Variants in TMBIM6 observed in about 807,000 individuals in gnomAD.
TMBIM6 encodes transmembrane BAX inhibitor motif containing 6.
A neutral mutation model predicts 31.4 loss-of-function variants in TMBIM6; 13 were observed. That is an observed-to-expected ratio of 0.41 (90% CI 0.27 to 0.66). The LOEUF (loss-of-function observed/expected upper bound fraction) is 0.66. Among genes scored for constraint, TMBIM6 ranks in the 30% least tolerant of loss-of-function variants. TMBIM6 has a pLI of 0.28. For missense variants in TMBIM6, 275 were observed against 289.5 expected (o/e 0.95, Z 0.36); for synonymous variants, 85 against 101.7 (o/e 0.84, Z 0.99).
intron 1 of TMBIM6, among the ~76,000 whole-genome samples, chr12:49,744,163 A>G (rs1296622347): frequency 6.6e-6 from 1 of 152,180 alleles, no homozygotes; most frequent in Non-Finnish European, 1.5e-5. Context: ...TGAAGGTGAT[A>G]CATATATAAA....
At chr12:49,757,555 T>C (rs1197816879) in intron 4 of TMBIM6, among the ~76,000 whole-genome samples, 1 of 152,210 alleles carries the variant, frequency 6.6e-6, no homozygotes, top group Admixed American at 6.5e-5. Flanking sequence ...AATAAAAATG[T>C]TTGCAAAACA....
intron 1 of TMBIM6, 68 bp downstream of exon 1, chr12:49,741,679 T>C (rs1945296855): frequency 3.6e-5 from 7 of 195,898 alleles, no homozygotes; most frequent in Non-Finnish European, 7.6e-5. Context: ...AGTTACTGTC[T>C]GAGCAAGAGT....
intron 2 of TMBIM6, 96 bp from the exon 3 acceptor site, chr12:49,752,877 C>A: frequency 1.7e-6 from 2 of 1,154,862 alleles, no homozygotes; most frequent in Non-Finnish European, 2.5e-6. Flanking sequence ...AGAACTTTTA[C>A]ATATTCCCAG....
intron 7 of TMBIM6, 69 bp from the exon 8 acceptor site, chr12:49,759,151 GA>G: frequency 7.4e-7 from 1 of 1,344,354 alleles, no homozygotes; most frequent in Non-Finnish European, 1.1e-6. Flanking sequence ...CTATGAGCCA[GA>G]AAGTATGGCT....
At chr12:49,748,560 G>T (rs1455200620) in intron 1 of TMBIM6, among the ~76,000 whole-genome samples, 1 of 152,220 alleles carries the variant, frequency 6.6e-6, no homozygotes, top group Admixed American at 6.5e-5. Context: ...TTAGCAGTAT[G>T]TGCATGACAT....
At chr12:49,750,214 C>G (rs1945470387) in intron 1 of TMBIM6, among the ~76,000 whole-genome samples, 1 of 152,146 alleles carries the variant, frequency 6.6e-6, no homozygotes, top group Admixed American at 6.5e-5. Flanking sequence ...TTCTGCCATT[C>G]TCCCCTCGAA....
intron 3 of TMBIM6, among the ~76,000 whole-genome samples, chr12:49,754,220 C>G (rs2136947149): frequency 6.6e-6 from 1 of 152,232 alleles, no homozygotes; most frequent in Non-Finnish European, 1.5e-5. Context: ...CTCCTGGGCT[C>G]AATTGATCCT....
rs1423618883 is a variant in TMBIM6, at chr12:49,764,795, CTTTCT to C, written c.*1905_*1909del. 1.3e-5 allele frequency: 2 copies of C among 151,610 alleles called. No individual in the cohort carries two copies. Among genetic ancestry groups the C allele is most frequent in the Non-Finnish European group, 2.9e-5 (2 of 67,966 alleles). The allele number at this position is 151,610 out of a possible 1,614,324, so 9.4% of individuals were successfully genotyped here. A position where few individuals can be genotyped will look rare whatever the true frequency, so the allele number is the denominator to read the frequency against. ...ATTTTTAATATAGTTATCTCTACCA[CTTTCT>C]TTTCTAGTTTCTTGATTTTCAGCTC... is the stretch of plus-strand genomic sequence containing the variant. On this transcript the variant is annotated 3_prime_UTR_variant, in exon 10 of 10. Transcript: ENST00000267115.
chr12:49,758,964 C>A, intron 7 of TMBIM6: 1 of 639,564 alleles, frequency 1.6e-6, no homozygotes, highest in Non-Finnish European at 2.7e-6. Context: ...AAATGGTTTG[C>A]TCAGACACCA....
chr12:49,751,732 A>C (rs556994333), intron 1 of TMBIM6, among the ~76,000 whole-genome samples: 34 of 136,558 alleles, frequency 2.5e-4, no homozygotes, highest in African/African-American at 9.4e-4. Context: ...TTTGTTTTTT[A>C]TCTTTGAGGT....
Position 49,764,572 on chromosome 12 carries a change from T to G in TMBIM6, c.*1676T>G, listed in dbSNP as rs952403662. 6.6e-6 allele frequency: 1 copy of G among 152,548 alleles called. No individual in the cohort carries two copies. Among genetic ancestry groups the G allele is most frequent in the Non-Finnish European group, 1.5e-5 (1 of 68,028 alleles). 9.4% of individuals were successfully genotyped at this position (152,548 alleles called of 1,614,324 possible). On this transcript the variant is annotated 3_prime_UTR_variant, in exon 10 of 10. Coordinates refer to ENST00000267115, the MANE Select transcript of TMBIM6 (RefSeq NM_003217.3). ...TCCTTCCTGTTAAACCCCTGTTAACTCTCCATAAATTTGGTGATTCTCTGC... is the reference window on the plus strand; with the variant it reads ...TCCTTCCTGTTAAACCCCTGTTAACGCTCCATAAATTTGGTGATTCTCTGC...
intron 1 of TMBIM6, among the ~76,000 whole-genome samples, chr12:49,745,711 C>G (rs928423594): frequency 1.9e-5 from 2 of 107,420 alleles, no homozygotes; most frequent in South Asian, 2.4e-4. Flanking sequence ...GGCAACAGAG[C>G]GAGACTCTGT....
chr12:49,748,182 G>A (rs370869263), intron 1 of TMBIM6, among the ~76,000 whole-genome samples: 200 of 152,146 alleles, frequency 1.3e-3, no homozygotes, highest in South Asian at 0.011. Flanking sequence ...GATTACAGGC[G>A]TGAGCCACCG....
chr12:49,761,151 A>G (rs994574247), intron 8 of TMBIM6, among the ~76,000 whole-genome samples: 1 of 151,260 alleles, frequency 6.6e-6, no homozygotes, highest in Non-Finnish European at 1.5e-5. Context: ...TTTTTAATGT[A>G]GTGATTCTCT....
chr12:49,741,646 T>G, intron 1 of TMBIM6, 35 bp downstream of exon 1: 2 of 165,682 alleles, frequency 1.2e-5, no homozygotes, highest in South Asian at 1.1e-4. Flanking sequence ...GAACTGGGAG[T>G]GAGAAATGGA....
intron 9 of TMBIM6, chr12:49,762,165 A>G (rs1412689699): frequency 5.3e-6 from 1 of 189,924 alleles, no homozygotes; most frequent in East Asian, 1.5e-4. Flanking sequence ...CATTCTATAT[A>G]GGGCTAATGA....
intron 4 of TMBIM6, among the ~76,000 whole-genome samples, chr12:49,756,806 G>T (rs1945606994): frequency 1.3e-5 from 2 of 149,174 alleles, no homozygotes; most frequent in Non-Finnish European, 3.0e-5. Context: ...GCACGATCTT[G>T]GCTCACTGCA....
chr12:49,763,782 T>A lies in TMBIM6; in HGVS notation c.*886T>A, dbSNP rs1308432192. 2 of 152,210 alleles carry A rather than the reference T, an allele frequency of 1.3e-5. No individual in the cohort carries two copies. Among genetic ancestry groups the A allele is most frequent in the African/African-American group, 4.8e-5 (2 of 41,452 alleles). 9.4% of individuals were successfully genotyped at this position (152,210 alleles called of 1,614,324 possible). On this transcript the variant is annotated 3_prime_UTR_variant, in exon 10 of 10. Coordinates refer to ENST00000267115, the MANE Select transcript of TMBIM6 (RefSeq NM_003217.3). ...AGGGGAATGGTTGAGCCTCTGGAGATCATTGTAACCAATCCTGCCAGACCT... is the reference window on the plus strand; with the variant it reads ...AGGGGAATGGTTGAGCCTCTGGAGAACATTGTAACCAATCCTGCCAGACCT...
intron 1 of TMBIM6, among the ~76,000 whole-genome samples, chr12:49,748,551 T>C (rs139203956): frequency 1.3e-3 from 202 of 152,350 alleles, no homozygotes; most frequent in South Asian, 0.011. Context: ...AGCAAAACTT[T>C]AGCAGTATGT....
Sources: allele counts gnomAD v4.1 joint callset (sites outside exome capture counted in the v4.1 genomes callset), GRCh38; gene constraint gnomAD v4.1.1; transcripts MANE v1.5; gene names NCBI Gene and HGNC (gene_info 2026-07-23, HGNC 2026-07-21).